The following MCF2L2 variants were observed in gnomAD, a reference collection of about 807,000 sequenced individuals.
The protein encoded by MCF2L2 is MCF.2 cell line derived transforming sequence-like 2.
A neutral mutation model predicts 150.2 loss-of-function variants in MCF2L2; 102 were observed. That is an observed-to-expected ratio of 0.68 (90% CI 0.58 to 0.80). The LOEUF (loss-of-function observed/expected upper bound fraction) is 0.80. MCF2L2 is among the 30% of genes least tolerant of loss of function. The pLI is 0.00. For missense variants in MCF2L2, 1,256 were observed against 1,372.8 expected (o/e 0.91, Z 1.34); for synonymous variants, 465 against 491.3 (o/e 0.95, Z 0.71).
chr3:183,336,872 T>A lies in MCF2L2; in HGVS notation c.486+1928A>T, dbSNP rs1239794302. ...CTCCATCTCAAAAAAAAAATATATA[T>A]ATATATATATATGGAATATTTCCTA... On this transcript the variant is annotated intron_variant, in intron 5 of 29. Coordinates refer to ENST00000328913, the MANE Select transcript of MCF2L2 (RefSeq NM_015078.4). Among the ~76,000 whole-genome samples, 106 of 149,554 alleles carry A rather than the reference T, an allele frequency of 7.1e-4. 1 individual carries two copies. Among genetic ancestry groups the A allele is most frequent in the East Asian group, 7.8e-4 (4 of 5,106 alleles).
chr3:183,249,478 T>A (rs970541950), intron 15 of MCF2L2, among the ~76,000 whole-genome samples: 1 of 152,172 alleles, frequency 6.6e-6, no homozygotes, highest in Admixed American at 6.5e-5. Flanking sequence ...TCCTTATGCG[T>A]TGGTGTGAAG....
intron 1 of MCF2L2, among the ~76,000 whole-genome samples, chr3:183,393,075 A>G (rs879713): frequency 0.52 from 79,071 of 151,972 alleles, 21,556 homozygotes; most frequent in African/African-American, 0.7. Flanking sequence ...GAGCAGAACC[A>G]TGACCCACCA....
At chr3:183,230,226 G>A (rs778562281) in intron 16 of MCF2L2, among the ~76,000 whole-genome samples, 15 of 152,024 alleles carry the variant, frequency 9.9e-5, no homozygotes, top group African/African-American at 2.2e-4. Context: ...TGATTCTTCC[G>A]TTTCAGACTC....
Position 183,295,411 on chromosome 3 carries a change from T to C in MCF2L2, c.1564A>G (p.Ser522Gly). The stretch of plus-strand genomic sequence containing the variant: ...TGTTTGGCTGCCAGTTTCATCAGAC[T>C]CACTTGCCTCTTGTGAAATATTTCC... The part of the protein sequence containing the change: ...VQEIFHKRQV[S>G]LMKLAAKQTR... Residue 522 changes from serine (S) to glycine (G), a missense_variant, in exon 13 of 30, where the codon AGT (serine) becomes GGT (glycine). Transcript: ENST00000328913. The C allele has an allele frequency of 1.2e-6, 2 of 1,614,110 alleles. No homozygotes were observed. The highest frequency in any genetic ancestry group is 1.1e-5 in the South Asian group (1 of 91,062).
At chr3:183,367,124 G>A (rs1712582991) in intron 3 of MCF2L2, among the ~76,000 whole-genome samples, 1 of 152,010 alleles carries the variant, frequency 6.6e-6, no homozygotes, top group Non-Finnish European at 1.5e-5. Context: ...AATGACACAG[G>A]ATTACAACTG....
At position 183,297,145 on chromosome 3, in the gene MCF2L2, C is replaced by G; in HGVS notation, c.1328G>C (p.Gly443Ala). 6.2e-7 allele frequency: 1 copy of G among 1,614,056 alleles called. No individual in the cohort carries two copies. The highest frequency in any genetic ancestry group is 8.5e-7 in the Non-Finnish European group (1 of 1,179,980). ...LDKVSQWCEAGIYLLASQAVD... is the reference protein window; with the variant it reads ...LDKVSQWCEAAIYLLASQAVD... ...AGCTTGGGAAGCCAAGAGGTAGATT[C>G]CTGCCTCACACCATTGGCTGACCTT... The change falls in exon 12 of 30, where the codon GGA (glycine) becomes GCA (alanine). Residue 443 changes from glycine (G) to alanine (A), a missense_variant. Gly to Ala is a moderately conservative substitution (Grantham distance 60). Coordinates refer to ENST00000328913, the MANE Select transcript of MCF2L2 (RefSeq NM_015078.4).
chr3:183,382,256 AC>A (rs1713575093), intron 2 of MCF2L2, among the ~76,000 whole-genome samples: 1 of 151,960 alleles, frequency 6.6e-6, no homozygotes, highest in East Asian at 1.9e-4. Context: ...ACGGGGTTTC[AC>A]CATGTTGGCC....
chr3:183,208,548 C>A (rs1313254004), intron 22 of MCF2L2, among the ~76,000 whole-genome samples: 5 of 152,196 alleles, frequency 3.3e-5, no homozygotes, highest in Non-Finnish European at 7.3e-5. Flanking sequence ...AATGAGATGA[C>A]CCTGCCTTCT....
At position 183,193,071 on chromosome 3, in the gene MCF2L2, G is replaced by A. The variant is rs143707041; in HGVS notation, c.2944C>T (p.Pro982Ser). 155 of 1,613,816 alleles carry A rather than the reference G, an allele frequency of 9.6e-5. No homozygotes were observed. Among genetic ancestry groups the A allele is most frequent in the Non-Finnish European group, 1.2e-4 (143 of 1,179,944 alleles). ...GCTCTTTCCATATTTTTAATCCATGGTCCGGATCCTGCTCCACTGCCTTTG... is the reference window on the plus strand; with the variant it reads ...GCTCTTTCCATATTTTTAATCCATGATCCGGATCCTGCTCCACTGCCTTTG... Reference protein sequence around the residue: ...TSKGSGAGSGPWIKNMERATT... With the variant: ...TSKGSGAGSGSWIKNMERATT... Residue 982 changes from proline (P) to serine (S), a missense_variant, in exon 27 of 30, where the codon CCA becomes TCA. Transcript: ENST00000328913.
At chr3:183,257,187 A>G (rs146280150) in intron 15 of MCF2L2, among the ~76,000 whole-genome samples, 3 of 152,330 alleles carry the variant, frequency 2.0e-5, no homozygotes, top group African/African-American at 7.2e-5. Flanking sequence ...AGTTATCTCA[A>G]ATGATCCTGA....
chr3:183,307,649 C>A (rs1406269232), intron 10 of MCF2L2, among the ~76,000 whole-genome samples: 3 of 152,200 alleles, frequency 2.0e-5, no homozygotes, highest in Non-Finnish European at 4.4e-5. Context: ...GAAGTATATA[C>A]CAAGGACCAC....
At chr3:183,257,999 G>A (rs1276105135) in intron 15 of MCF2L2, among the ~76,000 whole-genome samples, 6 of 106,294 alleles carry the variant, frequency 5.6e-5, no homozygotes, top group Admixed American at 1.5e-4. Context: ...ACGGAGTCTC[G>A]CTCTGTTGCC....
chr3:183,291,238 A>G (rs537737445), intron 13 of MCF2L2, among the ~76,000 whole-genome samples: 1 of 152,332 alleles, frequency 6.6e-6, no homozygotes, highest in African/African-American at 2.4e-5. Flanking sequence ...CACTGTAAGT[A>G]GAGTGAAGCA....
chr3:183,258,012 G>A (rs9878798), intron 15 of MCF2L2, among the ~76,000 whole-genome samples: 1 of 113,556 alleles, frequency 8.8e-6, no homozygotes, highest in African/African-American at 3.4e-5. Flanking sequence ...CTGTTGCCCA[G>A]GCTGGAGTGC....
At chr3:183,388,055 T>C (rs1476915119) in intron 2 of MCF2L2, among the ~76,000 whole-genome samples, 1 of 152,084 alleles carries the variant, frequency 6.6e-6, no homozygotes, top group Non-Finnish European at 1.5e-5. Context: ...CAAATTCATA[T>C]CTGGAGCTGT....
intron 14 of MCF2L2, among the ~76,000 whole-genome samples, chr3:183,278,137 T>C (rs1037979130): frequency 6.6e-6 from 1 of 151,426 alleles, no homozygotes; most frequent in African/African-American, 2.4e-5. Flanking sequence ...TGAGCTGAGA[T>C]TGCACCACTG....
At position 183,181,720 on chromosome 3, in the gene MCF2L2, T is replaced by C. The variant is rs879291276; in HGVS notation, c.3017-1561A>G. Reference sequence around the variant, plus strand: ...TCCCCTGCATGAATAGGAAGGGCTGTGTCTCCAGGGTCCATGGCCTCTGTG... The same window carrying C: ...TCCCCTGCATGAATAGGAAGGGCTGCGTCTCCAGGGTCCATGGCCTCTGTG... On this transcript the variant is annotated intron_variant, in intron 27 of 29. Coordinates refer to ENST00000328913, the MANE Select transcript of MCF2L2 (RefSeq NM_015078.4). This position sits in a 1 kb window ranked among gnomAD's most constrained non-coding sequence, Gnocchi z 4.3. 2.7e-5 allele frequency among the ~76,000 whole-genome samples: 4 copies of C among 148,344 alleles called. No individual in the cohort carries two copies. Among genetic ancestry groups the C allele is most frequent in the Non-Finnish European group, 4.4e-5 (3 of 68,002 alleles).
At chr3:183,226,080 A>G (rs1411227635) in intron 18 of MCF2L2, 1 of 152,242 alleles carries the variant, frequency 6.6e-6, no homozygotes, top group Non-Finnish European at 1.5e-5. Context: ...CCCACAGTAC[A>G]CTATGGACAA....
At chr3:183,412,195 G>A (rs1218730478) in intron 1 of MCF2L2, among the ~76,000 whole-genome samples, 1 of 152,220 alleles carries the variant, frequency 6.6e-6, no homozygotes, top group Non-Finnish European at 1.5e-5. Flanking sequence ...CTGAGTGAGA[G>A]TAGACTAATG....
Sources: gnomAD v4.1 joint callset for allele counts (sites outside exome capture counted in the v4.1 genomes callset) on GRCh38, gnomAD v4.1.1 for gene constraint, Gnocchi (gnomAD v3.1) non-coding constraint, MANE v1.5 for transcripts, NCBI Gene and HGNC (gene_info 2026-07-23, HGNC 2026-07-21) for gene names.